The following AKAP4 variants were observed in gnomAD, a reference collection of about 807,000 sequenced individuals.
AKAP4 encodes A-kinase anchor protein 4.
AKAP4 carries 4 observed loss-of-function variants against 42.6 expected under a neutral mutation model. That is an observed-to-expected ratio of 0.09 (90% CI 0.05 to 0.22). The LOEUF (loss-of-function observed/expected upper bound fraction) is 0.22. Ranked by LOEUF, AKAP4 falls within the 10% of genes least tolerant of loss-of-function variation. The pLI, the probability that AKAP4 is intolerant of heterozygous loss-of-function variation, is 1.00. For missense variants in AKAP4, 551 were observed against 630.7 expected, an observed-to-expected ratio of 0.87 and a Z score of 1.35; for synonymous variants, 223 against 233.0, an observed-to-expected ratio of 0.96 and a Z score of 0.39.
At chrX:50,191,619 GGTGTGTGTGTGTGTGT>G (rs34737063) in intron 5 of AKAP4, among the ~76,000 whole-genome samples, 3 of 85,783 alleles carry the variant, frequency 3.5e-5, no homozygotes, top group African/African-American at 4.6e-5. Context: ...CTGTCAGATA[GGTGTGTGTGTGTGTGT>G]GTGTGTGTGT....
intron 4 of AKAP4, among the ~76,000 whole-genome samples, chrX:50,195,230 G>T (rs1935174803): frequency 9.0e-6 from 1 of 111,333 alleles, no homozygotes; most frequent in Admixed American, 9.5e-5. Context: ...TCATAAATTG[G>T]GTATAAATTT....
In AKAP4 at chrX:50,197,535, A is replaced by C. The variant is rs1935206540; in HGVS notation, c.174+9T>G. 8.3e-7 allele frequency: 1 copy of C among 1,197,956 alleles called. No individual in the cohort carries two copies. The highest frequency in any genetic ancestry group is 2.2e-5 in the Admixed American group (1 of 45,319). On this transcript the variant is annotated intron_variant, in intron 3 of 5. Transcript: ENST00000358526. ...CCACCGATTCTGACTCTGAGCAGAGAATACGCACCTTGTAATCTTTATCTT... is the reference window on the plus strand; with the variant it reads ...CCACCGATTCTGACTCTGAGCAGAGCATACGCACCTTGTAATCTTTATCTT...
Position 50,191,075 on chromosome X carries a change from C to T in AKAP4, c.2450G>A (p.Ser817Asn). 8.3e-7 allele frequency: 1 copy of T among 1,211,448 alleles called. No individual in the cohort carries two copies. The highest frequency in any genetic ancestry group is 1.1e-6 in the Non-Finnish European group (1 of 895,369). ...VSAKAAEKGY[S>N]VGGLLQEVMK... ...GACCTCTTGAAGAAGACCTCCTACACTGTACCCCTTCTCTGCTGCTTTAGC... is the reference window on the plus strand; with the variant it reads ...GACCTCTTGAAGAAGACCTCCTACATTGTACCCCTTCTCTGCTGCTTTAGC... The change falls in exon 6 of 6, where the codon AGT becomes AAT. Residue 817 changes from serine (S) to asparagine (N), a missense_variant. Physicochemically the swap from Ser to Asn is conservative, Grantham distance 46. Transcript: ENST00000358526.
intron 5 of AKAP4, among the ~76,000 whole-genome samples, chrX:50,191,659 T>TGTGTGTGA (rs1363221828): frequency 0.023 from 990 of 43,394 alleles, 21 homozygotes; most frequent in African/African-American, 0.071. Flanking sequence ...TGTGTGTGTG[T>TGTGTGTGA]GAGAGAGAGA....
At chrX:50,197,943 G>A (rs1935211783) in intron 2 of AKAP4, among the ~76,000 whole-genome samples, 2 of 111,867 alleles carry the variant, frequency 1.8e-5, no homozygotes, top group South Asian at 7.5e-4. Flanking sequence ...TAAATGTGGA[G>A]CTTGTATTAG....
chrX:50,193,018 T>C lies in AKAP4; in HGVS notation c.1695A>G (p.Thr565=). ...HLTQQTKGKD[T]CEEDCPGSTM... The stretch of plus-strand genomic sequence containing the variant: ...TGGAACCAGGACAGTCTTCTTCACA[T>C]GTATCTTTGCCCTTAGTCTGCTGGG... Residue 565 remains threonine, a synonymous_variant, in exon 5 of 6, where the codon ACA becomes ACG. Transcript: ENST00000358526. The C allele has an allele frequency of 5.0e-6, 6 of 1,211,896 alleles. No homozygotes were observed. Among genetic ancestry groups the C allele is most frequent in the Non-Finnish European group, 6.7e-6 (6 of 895,524 alleles).
intron 2 of AKAP4, among the ~76,000 whole-genome samples, chrX:50,197,808 A>G (rs1211745581): frequency 8.9e-6 from 1 of 112,001 alleles, no homozygotes; most frequent in Non-Finnish European, 1.9e-5. Flanking sequence ...ACAGAATCTT[A>G]GCATTAGCAC....
At chrX:50,196,598 A>G (rs991971858) in intron 4 of AKAP4, among the ~76,000 whole-genome samples, 62 of 111,524 alleles carry the variant, frequency 5.6e-4, no homozygotes, top group African/African-American at 2.0e-3. Flanking sequence ...ACACAAGTCC[A>G]TTACCAGCCA....
chrX:50,195,377 A>T (rs1380133948), intron 4 of AKAP4, among the ~76,000 whole-genome samples: 3 of 112,213 alleles, frequency 2.7e-5, no homozygotes, highest in Non-Finnish European at 5.6e-5. Flanking sequence ...ACGAACAAAC[A>T]AGTGTGTTAG....
chrX:50,193,913 G>C lies in AKAP4; in HGVS notation c.800C>G (p.Ala267Gly). The change falls in exon 5 of 6, where the codon GCG becomes GGG. Residue 267 changes from alanine to glycine, a missense_variant. Ala to Gly is a moderately conservative substitution (Grantham distance 60). Transcript: ENST00000358526. ...GGCCATTTCAGAAGCAATCTTGCTCGCAGGAGTTCGGGGACTGATTCTCTC... is the reference window on the plus strand; with the variant it reads ...GGCCATTTCAGAAGCAATCTTGCTCCCAGGAGTTCGGGGACTGATTCTCTC... ...NKERISPRTP[A>G]SKIASEMAYE... 8.3e-7 allele frequency: 1 copy of C among 1,211,682 alleles called. No homozygotes were observed. The highest frequency in any genetic ancestry group is 1.1e-6 in the Non-Finnish European group (1 of 895,500).
rs782632721 is a variant in AKAP4, at chrX:50,199,507, C to A, written c.28-755G>T. On this transcript the variant is annotated intron_variant, in intron 1 of 5. Transcript: ENST00000358526. Reference sequence around the variant, plus strand: ...TCTGCCAACTTCCTTCCACCATCACCCCCTGCCACCACCTCCCAACCCAGT... The same window carrying A: ...TCTGCCAACTTCCTTCCACCATCACACCCTGCCACCACCTCCCAACCCAGT... Among the ~76,000 whole-genome samples the A allele has an allele frequency of 5.5e-5, 6 of 108,934 alleles. No individual in the cohort carries two copies. In the South Asian group the frequency reaches 2.6e-3, roughly 46 times the overall value. 94.6% of individuals were successfully genotyped at this position (108,934 alleles called of 115,157 possible). A position where few individuals can be genotyped will look rare whatever the true frequency, so the allele number is the denominator to read the frequency against.
At chrX:50,197,160 G>A (rs969614882) in intron 3 of AKAP4, among the ~76,000 whole-genome samples, 168 bp from the exon 4 acceptor site, 1 of 110,476 alleles carries the variant, frequency 9.1e-6, no homozygotes, top group Non-Finnish European at 1.9e-5. Flanking sequence ...AGAATGAGAC[G>A]AAGTTCCCTC....
chrX:50,190,900 G>T lies in AKAP4; in HGVS notation c.*60C>A. On this transcript the variant is annotated 3_prime_UTR_variant, in exon 6 of 6. Transcript: ENST00000358526. ...AGTTGACTGGCCTGATGGTGGGGGT[G>T]CTCTGGCTGGGATGGAATGCTGCTA... 4 of 1,182,763 alleles carry T rather than the reference G, an allele frequency of 3.4e-6. No homozygotes were observed. The highest frequency in any genetic ancestry group is 4.6e-6 in the Non-Finnish European group (4 of 875,729).
In AKAP4 at chrX:50,194,209, C is replaced by T. The variant is rs781845320; in HGVS notation, c.504G>A (p.Leu168=). Residue 168 remains leucine (L), a synonymous_variant, in exon 5 of 6, where the codon TTG becomes TTA. Transcript: ENST00000358526. The part of the protein sequence containing the change: ...VYADQVNIDY[L]MNRPQNLRLE... ...GACGTAGGTTTTGAGGTCTGTTCAT[C>T]AAATAATCTATGTTCACTTGATCGG... 6 of 1,211,258 alleles carry T rather than the reference C, an allele frequency of 5.0e-6. No homozygotes were observed. In the South Asian group the frequency reaches 1.1e-4, roughly 21 times the overall value.
Position 50,192,986 on chromosome X carries a change from C to A in AKAP4, c.1727G>T (p.Gly576Val). Residue 576 changes from glycine (G) to valine (V), a missense_variant, in exon 5 of 6, where the codon GGC becomes GTC. Physicochemically the swap from Gly to Val is moderately radical, Grantham distance 109. Coordinates refer to ENST00000358526, the MANE Select transcript of AKAP4 (RefSeq NM_003886.3). The stretch of plus-strand genomic sequence containing the variant: ...ATATTGAGTACTCTGAGCCATATAG[C>A]CCATGGTGGAACCAGGACAGTCTTC... ...CEEDCPGSTM[G>V]YMAQSTQYEK... 8.3e-7 allele frequency: 1 copy of A among 1,211,694 alleles called. No individual in the cohort carries two copies. Among genetic ancestry groups the A allele is most frequent in the East Asian group, 3.0e-5 (1 of 33,834 alleles).
Position 50,193,891 on chromosome X carries a change from C to A in AKAP4, c.822G>T (p.Met274Ile). The A allele has an allele frequency of 1.7e-6, 2 of 1,211,768 alleles. No homozygotes were observed. Among genetic ancestry groups the A allele is most frequent in the Non-Finnish European group, 2.2e-6 (2 of 895,522 alleles). Residue 274 changes from methionine (M) to isoleucine (I), a missense_variant, in exon 5 of 6, where the codon ATG becomes ATT. Met to Ile is a conservative substitution (Grantham distance 10, BLOSUM62 1). Transcript: ENST00000358526. ...CTGTCAGTTCCACAGCTTCATAGGC[C>A]ATTTCAGAAGCAATCTTGCTCGCAG... ...RTPASKIASEMAYEAVELTAA... is the reference protein window; with the variant it reads ...RTPASKIASEIAYEAVELTAA...
rs782248153 is a variant in AKAP4, at chrX:50,192,998, C to G, written c.1715G>C (p.Gly572Ala). 17 of 1,210,001 alleles carry G rather than the reference C, an allele frequency of 1.4e-5. No homozygotes were observed. Among genetic ancestry groups the G allele is most frequent in the South Asian group, 1.2e-4 (7 of 56,796 alleles). ...CTGAGCCATATAGCCCATGGTGGAA[C>G]CAGGACAGTCTTCTTCACATGTATC... ...GKDTCEEDCP[G>A]STMGYMAQST... Residue 572 changes from glycine to alanine, a missense_variant, in exon 5 of 6, where the codon GGT becomes GCT. Gly to Ala is a moderately conservative substitution (Grantham distance 60). Transcript: ENST00000358526.
rs782585848 is a variant in AKAP4, at chrX:50,191,027, T to C, written c.2498A>G (p.Gln833Arg). The C allele has an allele frequency of 6.2e-5, 75 of 1,209,021 alleles. No homozygotes were observed. Among genetic ancestry groups the C allele is most frequent in the Non-Finnish European group, 7.7e-5 (69 of 895,050 alleles). ...CACCTTTCCCACAGCTTCATCTGGT[T>C]GCCGTTCCTTGGCAAACTTCATGAC... ...QEVMKFAKER[Q>R]PDEAVGKVAR... Residue 833 changes from glutamine to arginine, a missense_variant, in exon 6 of 6, where the codon CAA becomes CGA. Physicochemically the swap from Gln to Arg is conservative, Grantham distance 43. Coordinates refer to ENST00000358526, the MANE Select transcript of AKAP4 (RefSeq NM_003886.3).
rs982773407 is a variant in AKAP4, at chrX:50,193,885, A to G, written c.828T>C (p.Tyr276=). 5 of 1,211,902 alleles carry G rather than the reference A, an allele frequency of 4.1e-6. No homozygotes were observed. Among genetic ancestry groups the G allele is most frequent in the Non-Finnish European group, 4.5e-6 (4 of 895,554 alleles). ...PASKIASEMA[Y]EAVELTAAEM... ...CTGCAGCTGTCAGTTCCACAGCTTC[A>G]TAGGCCATTTCAGAAGCAATCTTGC... The change falls in exon 5 of 6, where the codon TAT becomes TAC. Residue 276 remains tyrosine, a synonymous_variant. Transcript: ENST00000358526.
Sources: allele counts gnomAD v4.1 joint callset (sites outside exome capture counted in the v4.1 genomes callset), GRCh38; gene constraint gnomAD v4.1.1; transcripts MANE v1.5; gene names NCBI Gene and HGNC (gene_info 2026-07-23, HGNC 2026-07-21).